PLXNA4: variants seen among roughly 807,000 people sequenced by gnomAD.
PLXNA4 encodes plexin A4.
In PLXNA4, 44 loss-of-function variants were observed where a neutral mutation model predicts 191.8. The ratio of observed to expected loss-of-function variants is 0.23; its 90% CI spans 0.18 to 0.29. The LOEUF (loss-of-function observed/expected upper bound fraction) is 0.29, where lower values mean the gene tolerates loss of function less well. Among genes scored for constraint, PLXNA4 ranks in the 10% least tolerant of loss-of-function variants. PLXNA4 has a pLI of 1.00. For missense variants in PLXNA4, 1,800 were observed against 2,488.8 expected (o/e 0.72, Z 5.89); for synonymous variants, 1,082 against 1,009.5 (o/e 1.07, Z -1.36).
At chr7:132,202,857 G>C in intron 11 of PLXNA4, 21 bp from the exon 12 acceptor site, 1 of 1,525,154 alleles carries the variant, frequency 6.6e-7, no homozygotes. Context: ...GAAGGGCAAG[G>C]ACAAGGGGTG....
intron 3 of PLXNA4, among the ~76,000 whole-genome samples, chr7:132,308,098 C>T (rs148758217): frequency 5.5e-4 from 83 of 152,228 alleles, no homozygotes; most frequent in African/African-American, 1.9e-3. Flanking sequence ...GAACAAGCTA[C>T]AACTCCAGAA....
chr7:132,393,339 G>A lies in PLXNA4; in HGVS notation c.1372-95117C>T, dbSNP rs562932416. Among the ~76,000 whole-genome samples, 13 of 151,800 alleles carry A rather than the reference G, an allele frequency of 8.6e-5. No individual in the cohort carries two copies. In the East Asian group the frequency reaches 2.3e-3, roughly 27 times the overall value. ...TCTGATTATCAGCCCAGCACCTAAG[G>A]CAGTGAATGGGTACCTTGATCATGG... On this transcript the variant is annotated intron_variant, in intron 3 of 31. Coordinates refer to ENST00000321063, the MANE Select transcript of PLXNA4 (RefSeq NM_020911.2).
intron 1 of PLXNA4, among the ~76,000 whole-genome samples, chr7:132,563,374 C>G (rs1366008646): frequency 9.4e-6 from 1 of 105,876 alleles, no homozygotes; most frequent in Non-Finnish European, 2.0e-5. Context: ...TCCTCCTCCT[C>G]CTTCTCCTCC....
At chr7:132,610,227 G>C (rs944421495) in intron 2 of PLXNA4, among the ~76,000 whole-genome samples, 23 of 152,196 alleles carry the variant, frequency 1.5e-4, no homozygotes, top group African/African-American at 5.1e-4. Flanking sequence ...AGGAGCCCCA[G>C]CCTGGCCCTG....
intron 1 of PLXNA4, among the ~76,000 whole-genome samples, chr7:132,535,000 C>A (rs892996657): frequency 6.6e-6 from 1 of 152,148 alleles, no homozygotes; most frequent in African/African-American, 2.4e-5. Flanking sequence ...GCTTTAAGGC[C>A]TTCCTATCAG....
chr7:132,214,319 A>G (rs947152587), intron 9 of PLXNA4, among the ~76,000 whole-genome samples: 3 of 152,142 alleles, frequency 2.0e-5, no homozygotes, highest in African/African-American at 7.2e-5. Context: ...TGAGTTCTCT[A>G]ATGAGTCCTG....
At chr7:132,563,252 TA>T (rs1801422707) in intron 1 of PLXNA4, among the ~76,000 whole-genome samples, 1 of 116,168 alleles carries the variant, frequency 8.6e-6, no homozygotes, top group East Asian at 3.2e-4. Context: ...CTCCTTCTCC[TA>T]CTCCTTCTCC....
intron 2 of PLXNA4, among the ~76,000 whole-genome samples, chr7:132,635,509 A>AG (rs1451024074): frequency 6.6e-6 from 1 of 152,176 alleles, no homozygotes; most frequent in African/African-American, 2.4e-5. Context: ...ACCAAGAGAT[A>AG]GAACACACGA....
intron 13 of PLXNA4, among the ~76,000 whole-genome samples, chr7:132,197,628 A>T (rs539929133): frequency 1.8e-3 from 269 of 152,234 alleles, no homozygotes; most frequent in Non-Finnish European, 3.0e-3. Context: ...CCAAGACTGG[A>T]TCCTTAAACC....
At chr7:132,506,131 G>C (rs150593162) in intron 2 of PLXNA4, among the ~76,000 whole-genome samples, 39 of 152,136 alleles carry the variant, frequency 2.6e-4, no homozygotes, top group African/African-American at 9.4e-4. Flanking sequence ...CCAGTGCCTG[G>C]AAGACTTGAC....
intron 5 of PLXNA4, among the ~76,000 whole-genome samples, chr7:132,237,365 G>C (rs140885674): frequency 2.0e-5 from 3 of 152,138 alleles, no homozygotes; most frequent in African/African-American, 7.2e-5. Flanking sequence ...GGATGTATTC[G>C]AGTTTAAGAG....
At chr7:132,442,247 C>T (rs1795724122) in intron 3 of PLXNA4, among the ~76,000 whole-genome samples, 1 of 152,138 alleles carries the variant, frequency 6.6e-6, no homozygotes, top group Non-Finnish European at 1.5e-5. Flanking sequence ...GTGTCACTAG[C>T]CTGGATTCTT....
At chr7:132,179,442 T>C (rs1164764608) in intron 20 of PLXNA4, among the ~76,000 whole-genome samples, 1 of 144,768 alleles carries the variant, frequency 6.9e-6, no homozygotes, top group Non-Finnish European at 1.5e-5. Flanking sequence ...CCTCCAGCAC[T>C]GCTCACTGCT....
chr7:132,217,721 G>T (rs543699226), intron 9 of PLXNA4, among the ~76,000 whole-genome samples: 27 of 152,052 alleles, frequency 1.8e-4, no homozygotes, highest in Middle Eastern at 3.4e-3. Flanking sequence ...ATGACAGGCT[G>T]GTTCATAGAG....
At chr7:132,503,180 C>G (rs1798325550) in intron 2 of PLXNA4, among the ~76,000 whole-genome samples, 2 of 152,146 alleles carry the variant, frequency 1.3e-5, no homozygotes, top group Admixed American at 1.3e-4. Context: ...TTCCCATCAC[C>G]CAGGCCATAA....
intron 3 of PLXNA4, among the ~76,000 whole-genome samples, chr7:132,446,997 G>C (rs377559076): frequency 1.3e-5 from 2 of 152,128 alleles, no homozygotes; most frequent in African/African-American, 2.4e-5. Flanking sequence ...TCTTTGCCCA[G>C]TGATCTGCTG....
At chr7:132,319,368 T>C (rs1379514697) in intron 3 of PLXNA4, among the ~76,000 whole-genome samples, 4 of 152,122 alleles carry the variant, frequency 2.6e-5, no homozygotes, top group African/African-American at 9.7e-5. Flanking sequence ...AATTGAGAAA[T>C]AGAAAACTAG....
intron 3 of PLXNA4, among the ~76,000 whole-genome samples, chr7:132,358,055 G>A (rs974643636): frequency 6.6e-6 from 1 of 152,216 alleles, no homozygotes; most frequent in Non-Finnish European, 1.5e-5. Context: ...TGGAGATGAG[G>A]ATTTGTGAAC....
intron 2 of PLXNA4, among the ~76,000 whole-genome samples, chr7:132,496,190 A>G (rs911253704): frequency 6.6e-6 from 1 of 152,210 alleles, no homozygotes; most frequent in Non-Finnish European, 1.5e-5. Context: ...TCTCTGGCTT[A>G]TGAAACAGTA....
Sources: allele counts gnomAD v4.1 joint callset (sites outside exome capture counted in the v4.1 genomes callset), GRCh38; gene constraint gnomAD v4.1.1; transcripts MANE v1.5; gene names NCBI Gene and HGNC (gene_info 2026-07-23, HGNC 2026-07-21).